PTAR1: variants seen among roughly 807,000 people sequenced by gnomAD.
PTAR1 encodes protein prenyltransferase alpha subunit repeat-containing protein 1.
Under a neutral mutation model 45.5 loss-of-function variants are expected in PTAR1, and 17 were observed. The observed-to-expected ratio is 0.37, with a 90% CI of 0.26 to 0.56. The LOEUF (loss-of-function observed/expected upper bound fraction) is 0.56. Among genes scored for constraint, PTAR1 ranks in the 20% least tolerant of loss-of-function variants. PTAR1 has a pLI of 0.77. For synonymous variants in PTAR1, 169 were observed against 171.3 expected (o/e 0.99, Z 0.11); for missense variants, 391 against 476.3 (o/e 0.82, Z 1.67).
chr9:69,742,000 C>T (rs1368734614), intron 2 of PTAR1, 142 bp from the exon 3 acceptor site: 2 of 601,518 alleles, frequency 3.3e-6, no homozygotes, highest in Non-Finnish European at 5.9e-6. Flanking sequence ...GATAAATTCC[C>T]TCTTCTAAGC....
rs906447551 is a variant in PTAR1 at position 69,709,789 on chromosome 9, G to T, written c.*8553C>A. The T allele has an allele frequency of 2.0e-5, 3 of 152,056 alleles. No homozygotes were observed. Among genetic ancestry groups the T allele is most frequent in the African/African-American group, 7.2e-5 (3 of 41,424 alleles). 9.4% of individuals were successfully genotyped at this position (152,056 alleles called of 1,614,324 possible). On this transcript the variant is annotated 3_prime_UTR_variant, in exon 8 of 8. Coordinates refer to ENST00000340434, the MANE Select transcript of PTAR1 (RefSeq NM_001099666.2). ...GTTTGTTAATATACATGATTATATT[G>T]TAAGAATAATATAAAAACAAAATAG...
At chr9:69,750,992 C>G in intron 1 of PTAR1, 42 bp from the exon 2 acceptor site, 1 of 1,320,216 alleles carries the variant, frequency 7.6e-7, no homozygotes. Flanking sequence ...AATAAGGATA[C>G]TAACCTTTTC....
Position 69,718,184 on chromosome 9 carries a change from AAAAT to A in PTAR1, c.*154_*157del, listed in dbSNP as rs1824807727. 1.9e-6 allele frequency: 1 copy of A among 530,508 alleles called. No homozygotes were observed. Among genetic ancestry groups the A allele is most frequent in the Non-Finnish European group, 3.3e-6 (1 of 304,392 alleles). The allele number at this position is 530,508 out of a possible 1,614,324, so 32.9% of individuals were successfully genotyped here. ...CCCCACAGGAATGCCAGTTATTAAC[AAAAT>A]AAATAAAATGAAAGATTTACTATGG... is the stretch of plus-strand genomic sequence containing the variant. On this transcript the variant is annotated 3_prime_UTR_variant, in exon 8 of 8. Coordinates refer to ENST00000340434, the MANE Select transcript of PTAR1 (RefSeq NM_001099666.2).
At chr9:69,755,563 C>A (rs1826739750) in intron 1 of PTAR1, among the ~76,000 whole-genome samples, 1 of 152,114 alleles carries the variant, frequency 6.6e-6, no homozygotes. Context: ...AGCAACCAAA[C>A]AGAAAACAGT....
At chr9:69,747,932 G>A (rs1243417634) in intron 2 of PTAR1, among the ~76,000 whole-genome samples, 1 of 152,142 alleles carries the variant, frequency 6.6e-6, no homozygotes, top group African/African-American at 2.4e-5. Context: ...TCGACTCTAC[G>A]TTGACCCTGT....
At position 69,734,258 on chromosome 9, in the gene PTAR1, T is replaced by TTAAA. The variant is rs558132438; in HGVS notation, c.324-5_324-4insTTTA. On this transcript the variant is annotated splice_polypyrimidine_tract_variant and splice_region_variant and intron_variant, in intron 3 of 7. Transcript: ENST00000340434. ...GCCAGAGAGGATCAGCTCTTTCCTG[T>TTAAA]AAAAAAAAAAAAAAAAAAAAAAAAA... 6 of 207,702 alleles carry TTAAA rather than the reference T, an allele frequency of 2.9e-5. No homozygotes were observed. Among genetic ancestry groups the TTAAA allele is most frequent in the Admixed American group, 1.8e-4 (2 of 10,912 alleles). 12.9% of individuals were successfully genotyped at this position (207,702 alleles called of 1,614,324 possible).
intron 6 of PTAR1, among the ~76,000 whole-genome samples, chr9:69,721,319 G>A (rs1333722354): frequency 1.3e-5 from 2 of 152,124 alleles, no homozygotes; most frequent in Admixed American, 1.3e-4. Flanking sequence ...TTGGAAGTGG[G>A]GCGTGAAGAT....
intron 3 of PTAR1, among the ~76,000 whole-genome samples, chr9:69,741,304 G>A (rs7867274): frequency 6.6e-6 from 1 of 151,964 alleles, no homozygotes; most frequent in Non-Finnish European, 1.5e-5. Flanking sequence ...AACAAACACC[G>A]CCTACCTAAA....
At chr9:69,730,270 GCTCACCATTAATGAGTTATAA>G (rs1187430126) in intron 5 of PTAR1, among the ~76,000 whole-genome samples, 5 of 151,852 alleles carry the variant, frequency 3.3e-5, no homozygotes, top group African/African-American at 7.3e-5. Flanking sequence ...TGGCAGCTGA[GCTCACCATTAATGAGTTATAA>G]CTCACCATTA....
chr9:69,748,813 A>G (rs1826391190), intron 2 of PTAR1, among the ~76,000 whole-genome samples: 1 of 151,918 alleles, frequency 6.6e-6, no homozygotes, highest in African/African-American at 2.4e-5. Flanking sequence ...ATACTCTTTT[A>G]TTTTCAGATA....
chr9:69,714,637 CTT>C lies in PTAR1; in HGVS notation c.*3703_*3704del, dbSNP rs1824657198. Reference sequence around the variant, plus strand: ...AAACTACTGCATAAAAATCCAAAAACTTTTGTTTCCGTATCTTGTATCACATA... The same window carrying C: ...AAACTACTGCATAAAAATCCAAAAACTTGTTTCCGTATCTTGTATCACATA... On this transcript the variant is annotated 3_prime_UTR_variant, in exon 8 of 8. Transcript: ENST00000340434. The C allele has an allele frequency of 6.6e-6, 1 of 152,034 alleles. No individual in the cohort carries two copies. Among genetic ancestry groups the C allele is most frequent in the Non-Finnish European group, 1.5e-5 (1 of 67,978 alleles). The allele number at this position is 152,034 out of a possible 1,614,324, so 9.4% of individuals were successfully genotyped here.
intron 2 of PTAR1, among the ~76,000 whole-genome samples, chr9:69,750,266 C>T (rs548251492): frequency 3.9e-5 from 6 of 151,972 alleles, no homozygotes; most frequent in East Asian, 1.9e-4. Flanking sequence ...AGGATACAAA[C>T]GGCCAGAGCT....
At position 69,718,122 on chromosome 9, in the gene PTAR1, C is replaced by T. The variant is rs986507209; in HGVS notation, c.*220G>A. 1.6e-5 allele frequency: 7 copies of T among 433,196 alleles called. No individual in the cohort carries two copies. Among genetic ancestry groups the T allele is most frequent in the African/African-American group, 5.9e-5 (3 of 50,460 alleles). The allele number at this position is 433,196 out of a possible 1,614,324, so 26.8% of individuals were successfully genotyped here. Reference sequence around the variant, plus strand: ...GAAGTTAAACAGAAAATTTAAGACTCGCTGTTCAGCAGGAAGGAACTATAC... The same window carrying T: ...GAAGTTAAACAGAAAATTTAAGACTTGCTGTTCAGCAGGAAGGAACTATAC... On this transcript the variant is annotated 3_prime_UTR_variant, in exon 8 of 8. Transcript: ENST00000340434.
At chr9:69,742,260 T>C (rs1826076722) in intron 2 of PTAR1, among the ~76,000 whole-genome samples, 2 of 152,112 alleles carry the variant, frequency 1.3e-5, no homozygotes, top group Non-Finnish European at 2.9e-5. Context: ...GAAAAAAATA[T>C]CACTCAGAAT....
At position 69,716,550 on chromosome 9, in the gene PTAR1, A is replaced by G. The variant is rs781345211; in HGVS notation, c.*1792T>C. ...AAACCATGATGCCAAAGAAAAGGAC[A>G]TATTTCTTCTTCTTTAAGGCAGTCT... On this transcript the variant is annotated 3_prime_UTR_variant, in exon 8 of 8. Transcript: ENST00000340434. 8 of 152,146 alleles carry G rather than the reference A, an allele frequency of 5.3e-5. No individual in the cohort carries two copies. The highest frequency in any genetic ancestry group is 2.1e-4 in the South Asian group (1 of 4,830). 9.4% of individuals were successfully genotyped at this position (152,146 alleles called of 1,614,324 possible). A position where few individuals can be genotyped will look rare whatever the true frequency, so the allele number is the denominator to read the frequency against.
intron 6 of PTAR1, among the ~76,000 whole-genome samples, chr9:69,722,424 G>C (rs1212276900): frequency 6.6e-6 from 1 of 152,140 alleles, no homozygotes; most frequent in Non-Finnish European, 1.5e-5. Context: ...GAAGTTGATA[G>C]GTTGCTAACC....
chr9:69,721,055 A>G (rs1220161997), intron 6 of PTAR1, among the ~76,000 whole-genome samples: 1 of 152,238 alleles, frequency 6.6e-6, no homozygotes, highest in Non-Finnish European at 1.5e-5. Context: ...AATACATTTC[A>G]TAAGGTTATA....
rs1384125172 is a variant in PTAR1, at chr9:69,714,405, T to C, written c.*3937A>G. 6.6e-6 allele frequency: 1 copy of C among 152,066 alleles called. No homozygotes were observed. Among genetic ancestry groups the C allele is most frequent in the Non-Finnish European group, 1.5e-5 (1 of 67,994 alleles). The allele number at this position is 152,066 out of a possible 1,614,324, so 9.4% of individuals were successfully genotyped here. A position where few individuals can be genotyped will look rare whatever the true frequency, so the allele number is the denominator to read the frequency against. On this transcript the variant is annotated 3_prime_UTR_variant, in exon 8 of 8. Coordinates refer to ENST00000340434, the MANE Select transcript of PTAR1 (RefSeq NM_001099666.2). ...CTTCTATAACTCAGGGGAACTAAGGTAGGGATTATTAGATTGTTGTACAGT... is the reference window on the plus strand; with the variant it reads ...CTTCTATAACTCAGGGGAACTAAGGCAGGGATTATTAGATTGTTGTACAGT...
chr9:69,723,183 C>G lies in PTAR1; in HGVS notation c.947+143G>C, dbSNP rs139163114. ...TGACGATGATATGGTAACACAAAAC[C>G]TCTTGTATTCACTCAGGCAAAGCTC... On this transcript the variant is annotated intron_variant, in intron 6 of 7. Coordinates refer to ENST00000340434, the MANE Select transcript of PTAR1 (RefSeq NM_001099666.2). 1.2e-3 allele frequency: 843 copies of G among 683,570 alleles called. 8 individuals carry two copies. The East Asian group carries it at 0.02, about 16-fold the overall frequency. The allele number at this position is 683,570 out of a possible 1,614,324, so 42.3% of individuals were successfully genotyped here.
Sources: gnomAD v4.1 joint callset for allele counts (sites outside exome capture counted in the v4.1 genomes callset) on GRCh38, gnomAD v4.1.1 for gene constraint, MANE v1.5 for transcripts, NCBI Gene and HGNC (gene_info 2026-07-23, HGNC 2026-07-21) for gene names.